SLC22A11: variants seen among roughly 807,000 people sequenced by gnomAD.
SLC22A11 encodes the protein organic anion transporter 4.
In SLC22A11, 42 loss-of-function variants were observed where a neutral mutation model predicts 49.4. The ratio of observed to expected loss-of-function variants is 0.85; its 90% confidence interval spans 0.66 to 1.10. The LOEUF (loss-of-function observed/expected upper bound fraction) is 1.10, where lower values mean the gene tolerates loss of function less well. SLC22A11 is among the 50% of genes least tolerant of loss of function. SLC22A11 has a pLI of 0.00. For synonymous variants in SLC22A11, 304 were observed against 315.8 expected, an observed-to-expected ratio of 0.96 and a Z score of 0.40; for missense variants, 685 against 731.6, an observed-to-expected ratio of 0.94 and a Z score of 0.74.
chr11:64,557,337 C>A (rs757998417), intron 1 of SLC22A11, among the ~76,000 whole-genome samples: 1 of 152,204 alleles, frequency 6.6e-6, no homozygotes, highest in Non-Finnish European at 1.5e-5. Flanking sequence ...CTGAGTCAAT[C>A]CTCGCAGTCT....
At position 64,559,217 on chromosome 11, in the gene SLC22A11, T is replaced by G. The variant is rs770941623; in HGVS notation, c.476T>G (p.Ile159Ser). The G allele has an allele frequency of 1.9e-6, 3 of 1,608,892 alleles. No homozygotes were observed. The highest frequency in any genetic ancestry group is 2.5e-6 in the Non-Finnish European group (3 of 1,176,816). ...FMSGILVGSF[I>S]WGLLSYRFGR... ...TCCGGGATCCTGGTGGGCTCCTTTA[T>G]CTGGGGCCTCCTCTCCTACCGGTGA... The change falls in exon 2 of 10, where the codon ATC becomes AGC. Residue 159 changes from isoleucine to serine, a missense_variant. Coordinates refer to ENST00000301891, the MANE Select transcript of SLC22A11 (RefSeq NM_018484.4).
chr11:64,567,613 TCTC>T lies in SLC22A11; in HGVS notation c.1076_1078del (p.Ser359del), dbSNP rs2038644041. 3.1e-6 allele frequency: 5 copies of T among 1,613,968 alleles called. No homozygotes were observed. The African/African-American group carries it at 4.0e-5, about 13-fold the overall frequency. On this transcript the variant is annotated inframe_deletion, in exon 7 of 10. Transcript: ENST00000301891. ...CTTGCCCGCAGTTTCTCTCTATTGA[TCTC>T]CTACTATGGGCTGGTCTTCGACCTG...
chr11:64,562,811 G>A lies in SLC22A11; in HGVS notation c.821+376G>A, dbSNP rs2038567775. ...CTGGAAGATCCAGGGGCACTGGGCT[G>A]AACTTCGGCCACAGTGGAAGCGGCC... On this transcript the variant is annotated intron_variant, in intron 4 of 9. Coordinates refer to ENST00000301891, the MANE Select transcript of SLC22A11 (RefSeq NM_018484.4). The surrounding 1 kb of genome is among the most constrained non-coding windows in gnomAD (Gnocchi z 4.4). Among the ~76,000 whole-genome samples the A allele has an allele frequency of 6.6e-6, 1 of 152,226 alleles. No individual in the cohort carries two copies. Among genetic ancestry groups the A allele is most frequent in the Non-Finnish European group, 1.5e-5 (1 of 68,042 alleles).
chr11:64,568,807 G>A (rs1460403146), intron 8 of SLC22A11, 29 bp downstream of exon 8: 1 of 1,586,104 alleles, frequency 6.3e-7, no homozygotes, highest in African/African-American at 1.3e-5. Flanking sequence ...CATGCCCCAG[G>A]GCCAGCAGGG....
intron 1 of SLC22A11, among the ~76,000 whole-genome samples, chr11:64,557,228 G>A (rs930055985): frequency 6.6e-6 from 1 of 152,214 alleles, no homozygotes; most frequent in South Asian, 2.1e-4. Context: ...ATTTAATAAC[G>A]GAGAAAAGGA....
intron 2 of SLC22A11, among the ~76,000 whole-genome samples, chr11:64,560,597 G>A (rs556836667): frequency 2.2e-4 from 33 of 152,180 alleles, no homozygotes; most frequent in Non-Finnish European, 4.0e-4. Context: ...GAGGCCCTCC[G>A]AGGCCACGGA....
At position 64,564,929 on chromosome 11, in the gene SLC22A11, GC is replaced by G. The variant is rs1271727883; in HGVS notation, c.943-292del. Among the ~76,000 whole-genome samples, 1 of 152,202 alleles carries G rather than the reference GC, an allele frequency of 6.6e-6. No homozygotes were observed. Among genetic ancestry groups the G allele is most frequent in the Admixed American group, 6.5e-5 (1 of 15,280 alleles). On this transcript the variant is annotated intron_variant, in intron 5 of 9. Coordinates refer to ENST00000301891, the MANE Select transcript of SLC22A11 (RefSeq NM_018484.4). The surrounding 1 kb of genome is among the most constrained non-coding windows in gnomAD (Gnocchi z 4.2). ...GAAGGTAGCTGCTTTCAGGAAACAG[GC>G]GCTGCCAGAGATTAGAGTGAAGATG...
rs1174066801 is a variant in SLC22A11, at chr11:64,565,364, A to G, written c.1058+27A>G. The G allele has an allele frequency of 5.2e-6, 8 of 1,529,256 alleles. No individual in the cohort carries two copies. In the Admixed American group the frequency reaches 5.9e-5, roughly 11 times the overall value. 94.7% of individuals were successfully genotyped at this position (1,529,256 alleles called of 1,614,324 possible). A position where few individuals can be genotyped will look rare whatever the true frequency, so the allele number is the denominator to read the frequency against. On this transcript the variant is annotated intron_variant, in intron 6 of 9. Coordinates refer to ENST00000301891, the MANE Select transcript of SLC22A11 (RefSeq NM_018484.4). The surrounding 1 kb of genome is among the most constrained non-coding windows in gnomAD (Gnocchi z 4.1). ...TACGCCGTCCTGGTGTCCCTCCCCA[A>G]GGCAGGGCTGGGACAGGCAGGAGGC...
intron 1 of SLC22A11, among the ~76,000 whole-genome samples, chr11:64,558,819 A>T (rs986542349): frequency 6.6e-6 from 1 of 152,132 alleles, no homozygotes; most frequent in African/African-American, 2.4e-5. Context: ...TTTACCAAGA[A>T]ATTGTTCATT....
chr11:64,555,952 C>A lies in SLC22A11; in HGVS notation c.-48C>A. On this transcript the variant is annotated 5_prime_UTR_variant, in exon 1 of 10. Coordinates refer to ENST00000301891, the MANE Select transcript of SLC22A11 (RefSeq NM_018484.4). ...TGGATCTTGTGGCTGCAATCGGTTC[C>A]AAACAGCAGTTAGGTCAGCAGTCCG... The A allele has an allele frequency of 6.5e-7, 1 of 1,539,402 alleles. No homozygotes were observed. Among genetic ancestry groups the A allele is most frequent in the Non-Finnish European group, 8.7e-7 (1 of 1,148,582 alleles).
intron 2 of SLC22A11, 102 bp downstream of exon 2, chr11:64,559,340 T>C: frequency 1.1e-6 from 1 of 880,284 alleles, no homozygotes; most frequent in Non-Finnish European, 1.7e-6. Flanking sequence ...CCATCCCTGC[T>C]TCCGTCTCCC....
rs1406957008 is a variant in SLC22A11, at chr11:64,568,769, C to CGCCA, written c.1375_1378dup (p.Val460AlafsTer64). 1 of 1,613,572 alleles carries CGCCA rather than the reference C, an allele frequency of 6.2e-7. No individual in the cohort carries two copies. The highest frequency in any genetic ancestry group is 8.5e-7 in the Non-Finnish European group (1 of 1,179,732). On this transcript the variant is annotated frameshift_variant, in exon 8 of 10. Coordinates refer to ENST00000301891, the MANE Select transcript of SLC22A11 (RefSeq NM_018484.4). LOFTEE classifies it high-confidence loss of function. ...ATCTACAAGGCTGAACTCTTTCCAA[C>CGCCA]GCCAGTGCGGTAAGCTGGGCTGCAG...
Position 64,571,482 on chromosome 11 carries a change from C to A in SLC22A11, c.*440C>A, listed in dbSNP as rs2038702896. On this transcript the variant is annotated 3_prime_UTR_variant, in exon 10 of 10. Coordinates refer to ENST00000301891, the MANE Select transcript of SLC22A11 (RefSeq NM_018484.4). ...AGGGCAGGTATCAGGGTGAACTGAT[C>A]TTAGCACCGGCCAAATAAATGGAAC... The A allele has an allele frequency of 6.1e-6, 1 of 164,786 alleles. No homozygotes were observed. Among genetic ancestry groups the A allele is most frequent in the Non-Finnish European group, 1.3e-5 (1 of 75,912 alleles). The allele number at this position is 164,786 out of a possible 1,614,324, so 10.2% of individuals were successfully genotyped here.
At chr11:64,558,721 C>A (rs2038498555) in intron 1 of SLC22A11, among the ~76,000 whole-genome samples, 1 of 152,228 alleles carries the variant, frequency 6.6e-6, no homozygotes, top group Admixed American at 6.5e-5. Flanking sequence ...CTGCCCCTGC[C>A]TCCCACTGCC....
In SLC22A11 at chr11:64,556,136, G is replaced by A. The variant is rs991109335; in HGVS notation, c.137G>A (p.Gly46Asp). ...GAGAACTTCTCAGCCGCCATCCCAG[G>A]CCACCGATGCTGGACACACATGCTG... is the stretch of plus-strand genomic sequence containing the variant. The part of the protein sequence containing the change: ...LLENFSAAIP[G>D]HRCWTHMLDN... Residue 46 changes from glycine to aspartate, a missense_variant, in exon 1 of 10, where the codon GGC (glycine) becomes GAC (aspartate). Gly to Asp is a moderately conservative substitution (Grantham distance 94, BLOSUM62 -1). Transcript: ENST00000301891. The A allele has an allele frequency of 3.1e-6, 5 of 1,614,140 alleles. No homozygotes were observed. The highest frequency in any genetic ancestry group is 4.2e-6 in the Non-Finnish European group (5 of 1,180,024).
At chr11:64,560,005 C>T (rs1487071369) in intron 2 of SLC22A11, among the ~76,000 whole-genome samples, 1 of 151,608 alleles carries the variant, frequency 6.6e-6, no homozygotes, top group Non-Finnish European at 1.5e-5. Flanking sequence ...GCTCCCCCTC[C>T]TCCCGCTCCC....
intron 2 of SLC22A11, among the ~76,000 whole-genome samples, chr11:64,559,520 A>G (rs1435585177): frequency 2.0e-5 from 3 of 151,694 alleles, no homozygotes; most frequent in Non-Finnish European, 4.4e-5. Context: ...CTCCTGCCAG[A>G]TGGTCATAGG....
chr11:64,571,949 CA>C lies in SLC22A11; in HGVS notation c.*908del, dbSNP rs2038710147. ...GTAATCAGCTTGTTTCATCATGCTG[CA>C]GGCTGGCGAGAAACGGAGCCTTACA... On this transcript the variant is annotated 3_prime_UTR_variant, in exon 10 of 10. Coordinates refer to ENST00000301891, the MANE Select transcript of SLC22A11 (RefSeq NM_018484.4). 6.6e-6 allele frequency: 1 copy of C among 152,276 alleles called. No individual in the cohort carries two copies. The highest frequency in any genetic ancestry group is 2.1e-4 in the South Asian group (1 of 4,840). 9.4% of individuals were successfully genotyped at this position (152,276 alleles called of 1,614,324 possible).
At chr11:64,569,074 C>T (rs941118181) in intron 8 of SLC22A11, among the ~76,000 whole-genome samples, 2 of 152,136 alleles carry the variant, frequency 1.3e-5, no homozygotes, top group Non-Finnish European at 2.9e-5. Context: ...CAGTGGGGAC[C>T]CTCAACTCAC....
Sources: gnomAD v4.1 joint callset for allele counts (sites outside exome capture counted in the v4.1 genomes callset) on GRCh38, gnomAD v4.1.1 for gene constraint, Gnocchi (gnomAD v3.1) non-coding constraint, MANE v1.5 for transcripts, NCBI Gene and HGNC (gene_info 2026-07-23, HGNC 2026-07-21) for gene names.